AKT3: variants seen among roughly 807,000 people sequenced by gnomAD.
AKT3 encodes RAC-gamma serine/threonine-protein kinase.
AKT3 carries 15 observed loss-of-function variants against 65.3 expected under a neutral mutation model. The observed-to-expected ratio is 0.23, with a 90% CI of 0.15 to 0.35. The LOEUF (loss-of-function observed/expected upper bound fraction) is 0.35, where lower values mean the gene tolerates loss of function less well. Among genes scored for constraint, AKT3 ranks in the 10% least tolerant of loss-of-function variants. The probability of loss-of-function intolerance (pLI) is 1.00; values close to 1 mark genes in which losing one functional copy is unlikely to be tolerated. For synonymous variants in AKT3, 206 were observed against 183.8 expected, an observed-to-expected ratio of 1.12 and a Z score of -0.98; for missense variants, 243 against 576.5, an observed-to-expected ratio of 0.42 and a Z score of 5.92.
intron 10 of AKT3, 92 bp from the exon 11 acceptor site, chr1:243,553,035 CTT>C (rs919939845): frequency 5.6e-6 from 6 of 1,062,058 alleles, no homozygotes; most frequent in East Asian, 2.7e-5. Context: ...AAAAATGAAT[CTT>C]AACTTTCAAA....
chr1:243,583,164 GTGTGTGTATATATA>G (rs1387316086), intron 8 of AKT3, among the ~76,000 whole-genome samples: 3 of 74,964 alleles, frequency 4.0e-5, no homozygotes, highest in East Asian at 9.6e-4. Flanking sequence ...CCATGTATAT[GTGTGTGTATATATA>G]TATATATATA....
intron 2 of AKT3, among the ~76,000 whole-genome samples, chr1:243,768,186 A>G (rs1689951817): frequency 6.6e-6 from 1 of 150,888 alleles, no homozygotes; most frequent in Non-Finnish European, 1.5e-5. Context: ...TTTATAACAA[A>G]TATTATATTG....
At chr1:243,563,485 T>A (rs900543770) in intron 10 of AKT3, among the ~76,000 whole-genome samples, 2 of 152,292 alleles carry the variant, frequency 1.3e-5, no homozygotes, top group South Asian at 2.1e-4. Context: ...AAATAAAAAT[T>A]GATTTAACTG....
At chr1:243,498,678 T>G (rs140310017), downstream of AKT3, among the ~76,000 whole-genome samples, 50 of 152,384 alleles carry the variant, frequency 3.3e-4, no homozygotes, top group East Asian at 9.6e-3. Context: ...ATATTTCTCT[T>G]GAATGCGGAT....
intron 3 of AKT3, among the ~76,000 whole-genome samples, chr1:243,685,587 T>C (rs908968130): frequency 1.3e-5 from 2 of 152,168 alleles, no homozygotes; most frequent in African/African-American, 4.8e-5. Flanking sequence ...TGTAGCCTTG[T>C]AGTATAGTAT....
rs1165093808 is a variant in AKT3 at position 243,500,866 on chromosome 1, G to C, written c.*4383C>G. On this transcript the variant is annotated 3_prime_UTR_variant, in exon 14 of 14. Coordinates refer to ENST00000673466, the MANE Select transcript of AKT3 (RefSeq NM_005465.7). ...ACAGTAGAACTTCTATTCAGATTCA[G>C]AAGTTTTTTATTTCATCAAATGTGC... is the stretch of plus-strand genomic sequence containing the variant. 1.7e-5 allele frequency: 4 copies of C among 228,794 alleles called. No homozygotes were observed. Among genetic ancestry groups the C allele is most frequent in the Non-Finnish European group, 1.7e-5 (2 of 115,412 alleles). The allele number at this position is 228,794 out of a possible 1,614,324, so 14.2% of individuals were successfully genotyped here. A position where few individuals can be genotyped will look rare whatever the true frequency, so the allele number is the denominator to read the frequency against.
At chr1:243,649,358 T>TAC in intron 4 of AKT3, among the ~76,000 whole-genome samples, 1 of 114,880 alleles carries the variant, frequency 8.7e-6, no homozygotes, top group South Asian at 2.8e-4. Context: ...TGTGTGTGTG[T>TAC]ATGTTGGGTG....
chr1:243,726,820 G>C (rs1317923488), intron 2 of AKT3, among the ~76,000 whole-genome samples: 2 of 152,202 alleles, frequency 1.3e-5, no homozygotes, highest in Admixed American at 1.3e-4. Flanking sequence ...AATTTGGCAA[G>C]AATAGGGATA....
intron 12 of AKT3, among the ~76,000 whole-genome samples, chr1:243,516,911 A>G (rs55824925): frequency 0.012 from 1,780 of 152,326 alleles, 30 homozygotes; most frequent in African/African-American, 0.041. Flanking sequence ...ATAGAAGCTA[A>G]GGTCATTAAT....
chr1:243,739,196 A>G (rs1688004270), intron 2 of AKT3, among the ~76,000 whole-genome samples: 2 of 152,228 alleles, frequency 1.3e-5, no homozygotes, highest in Non-Finnish European at 2.9e-5. Context: ...AAAGCCATAC[A>G]TAAAAGAGCA....
intron 2 of AKT3, among the ~76,000 whole-genome samples, chr1:243,842,300 A>C (rs958089997): frequency 1.4e-4 from 21 of 152,154 alleles, no homozygotes; most frequent in African/African-American, 5.1e-4. Flanking sequence ...CATAAAGTAG[A>C]TATACAGGAA....
At chr1:243,695,565 T>C in intron 3 of AKT3, 26 bp downstream of exon 3, 2 of 1,551,814 alleles carry the variant, frequency 1.3e-6, no homozygotes, top group Non-Finnish European at 1.8e-6. Context: ...AAATACAAGA[T>C]GAATCAACAA....
At chr1:243,805,158 A>G (rs1337203410) in intron 2 of AKT3, among the ~76,000 whole-genome samples, 3 of 152,178 alleles carry the variant, frequency 2.0e-5, no homozygotes, top group Admixed American at 6.5e-5. Context: ...CACAGAGAAC[A>G]TCACAACCAT....
At chr1:243,842,156 A>C (rs1695280653) in intron 2 of AKT3, among the ~76,000 whole-genome samples, 1 of 152,180 alleles carries the variant, frequency 6.6e-6, no homozygotes, top group Admixed American at 6.5e-5. Context: ...TTATTATGTA[A>C]GTTACGACTT....
At chr1:243,571,231 C>T (rs925997051) in intron 9 of AKT3, among the ~76,000 whole-genome samples, 2 of 152,126 alleles carry the variant, frequency 1.3e-5, no homozygotes, top group Non-Finnish European at 2.9e-5. Flanking sequence ...GCAGGAGAAT[C>T]GCCAGAACCA....
chr1:243,564,414 ATCAAAG>A, intron 9 of AKT3, among the ~76,000 whole-genome samples: 1 of 152,358 alleles, frequency 6.6e-6, no homozygotes, highest in South Asian at 2.1e-4. Context: ...GAAAAAGAAT[ATCAAAG>A]TCAAACATTC....
At chr1:243,498,772 C>T (rs993761695), downstream of AKT3, among the ~76,000 whole-genome samples, 2 of 152,216 alleles carry the variant, frequency 1.3e-5, no homozygotes, top group Admixed American at 1.3e-4. Context: ...CCTTGGAGTC[C>T]AGCTTGGAAA....
At chr1:243,674,470 T>C (rs1194969245) in intron 3 of AKT3, among the ~76,000 whole-genome samples, 1 of 152,200 alleles carries the variant, frequency 6.6e-6, no homozygotes, top group African/African-American at 2.4e-5. Context: ...AATATGAATC[T>C]GATGGAATCC....
intron 4 of AKT3, among the ~76,000 whole-genome samples, chr1:243,649,553 T>G (rs1375684502): frequency 6.6e-6 from 1 of 152,002 alleles, no homozygotes; most frequent in Non-Finnish European, 1.5e-5. Context: ...GCTAATGCTA[T>G]CCCTCCCCTA....
Sources: gnomAD v4.1 joint callset for allele counts (sites outside exome capture counted in the v4.1 genomes callset) on GRCh38, gnomAD v4.1.1 for gene constraint, MANE v1.5 for transcripts, NCBI Gene and HGNC (gene_info 2026-07-23, HGNC 2026-07-21) for gene names.